CCDC91: variants seen among roughly 807,000 people sequenced by gnomAD.
CCDC91 encodes the protein coiled-coil domain-containing protein 91.
CCDC91 carries 48 observed loss-of-function variants against 63.2 expected under a neutral mutation model. That is an observed-to-expected ratio of 0.76 (90% CI 0.60 to 0.97). The LOEUF (loss-of-function observed/expected upper bound fraction) is 0.97, where lower values mean the gene tolerates loss of function less well. Ranked by LOEUF, CCDC91 falls within the 50% of genes least tolerant of loss-of-function variation. The pLI, the probability that CCDC91 is intolerant of heterozygous loss-of-function variation, is 0.00. For synonymous variants in CCDC91, 167 were observed against 165.8 expected, an observed-to-expected ratio of 1.01 and a Z score of -0.06; for missense variants, 500 against 494.6, an observed-to-expected ratio of 1.01 and a Z score of -0.10.
At chr12:28,405,595 A>G (rs1444118670) in intron 8 of CCDC91, among the ~76,000 whole-genome samples, 6 of 152,192 alleles carry the variant, frequency 3.9e-5, no homozygotes, top group Non-Finnish European at 8.8e-5. Flanking sequence ...ACACAAGATG[A>G]TACATAAATT....
intron 8 of CCDC91, among the ~76,000 whole-genome samples, chr12:28,435,303 G>GT (rs112683375): frequency 7.6e-4 from 114 of 149,520 alleles, no homozygotes; most frequent in African/African-American, 2.3e-3. Flanking sequence ...GATAAATTGC[G>GT]TTTTTTTTTT....
intron 3 of CCDC91, among the ~76,000 whole-genome samples, chr12:28,304,415 A>T (rs1938478103): frequency 7.7e-6 from 1 of 130,338 alleles, no homozygotes; most frequent in East Asian, 2.2e-4. Context: ...AAAAAAAAAA[A>T]GAAAAAAAGA....
chr12:28,283,339 T>G (rs1467129808), intron 3 of CCDC91, among the ~76,000 whole-genome samples: 2 of 152,108 alleles, frequency 1.3e-5, no homozygotes, highest in Non-Finnish European at 2.9e-5. Flanking sequence ...TTCCTATCCA[T>G]GAATATGGTA....
At chr12:28,289,141 C>T (rs11049506) in intron 3 of CCDC91, among the ~76,000 whole-genome samples, 39,668 of 151,100 alleles carry the variant, frequency 0.26, 5,656 homozygotes, top group East Asian at 0.57. Flanking sequence ...CTGTTGGATT[C>T]GTTGATCTTT....
chr12:28,192,228 G>T (rs1371653778), intron 1 of CCDC91, among the ~76,000 whole-genome samples: 1 of 152,178 alleles, frequency 6.6e-6, no homozygotes, highest in African/African-American at 2.4e-5. Context: ...CTTGTCTGGA[G>T]CTTAAATGGA....
At chr12:28,476,224 T>G (rs1951081676) in intron 11 of CCDC91, among the ~76,000 whole-genome samples, 2 of 152,114 alleles carry the variant, frequency 1.3e-5, no homozygotes, top group African/African-American at 2.4e-5. Context: ...TAGTTGGAAG[T>G]AAAGCACTCC....
At position 28,400,616 on chromosome 12, in the gene CCDC91, C is replaced by G. The variant is rs1196113580; in HGVS notation, c.762+9205C>G. Among the ~76,000 whole-genome samples the G allele has an allele frequency of 3.3e-5, 5 of 152,262 alleles. No individual in the cohort carries two copies. The East Asian group carries it at 7.7e-4, about 23-fold the overall frequency. Reference sequence around the variant, plus strand: ...TTTTATGCTCTACTTCCCTTTTAAACATAAGTTTCAATTCCAAACCATATC... The same window carrying G: ...TTTTATGCTCTACTTCCCTTTTAAAGATAAGTTTCAATTCCAAACCATATC... On this transcript the variant is annotated intron_variant, in intron 8 of 12. Transcript: ENST00000536442.
At chr12:28,192,776 A>G (rs1941372612) in intron 1 of CCDC91, among the ~76,000 whole-genome samples, 1 of 152,158 alleles carries the variant, frequency 6.6e-6, no homozygotes, top group Non-Finnish European at 1.5e-5. Flanking sequence ...ATCAAGTTTT[A>G]TTGAGGTATG....
intron 5 of CCDC91, 116 bp from the exon 6 acceptor site, chr12:28,307,529 C>T (rs1938870016): frequency 7.0e-6 from 4 of 570,890 alleles, no homozygotes; most frequent in African/African-American, 4.0e-5. Flanking sequence ...GATTTTAAGC[C>T]GTACTTCCCA....
At position 28,544,842 on chromosome 12, in the gene CCDC91, T is replaced by C. The variant is rs1366156276; in HGVS notation, c.1216-4221T>C. Among the ~76,000 whole-genome samples, 3 of 152,152 alleles carry C rather than the reference T, an allele frequency of 2.0e-5. No homozygotes were observed. In the East Asian group the frequency reaches 5.8e-4, roughly 29 times the overall value. On this transcript the variant is annotated intron_variant, in intron 12 of 12. Coordinates refer to ENST00000536442, the MANE Select transcript of CCDC91 (RefSeq NM_018318.5). ...GAGATGTTTTATTTTTCTTTTACTT[T>C]TGCAATGGCATGAAACACTCATGAA...
At chr12:28,248,730 G>A (rs1945925676) in intron 1 of CCDC91, among the ~76,000 whole-genome samples, 1 of 152,216 alleles carries the variant, frequency 6.6e-6, no homozygotes, top group Middle Eastern at 3.2e-3. Flanking sequence ...AAAAGGATAG[G>A]ACTGTGGTTG....
chr12:28,253,739 T>A (rs1231152974), intron 1 of CCDC91, among the ~76,000 whole-genome samples: 1 of 152,236 alleles, frequency 6.6e-6, no homozygotes, highest in African/African-American at 2.4e-5. Context: ...CAGGGATACC[T>A]TTCCGTAAAG....
intron 6 of CCDC91, among the ~76,000 whole-genome samples, chr12:28,312,166 AC>A (rs1939392283): frequency 6.6e-6 from 1 of 152,058 alleles, no homozygotes; most frequent in African/African-American, 2.4e-5. Context: ...AAGTTAAAAT[AC>A]ATTAATTTGA....
At chr12:28,444,798 A>G (rs1362135276) in intron 8 of CCDC91, among the ~76,000 whole-genome samples, 1 of 152,168 alleles carries the variant, frequency 6.6e-6, no homozygotes, top group Admixed American at 6.5e-5. Context: ...TCAACTATGT[A>G]ACAAACCTTC....
At chr12:28,517,091 C>G (rs1418797907) in intron 12 of CCDC91, among the ~76,000 whole-genome samples, 1 of 151,914 alleles carries the variant, frequency 6.6e-6, no homozygotes, top group Admixed American at 6.6e-5. Context: ...AAATTCATAT[C>G]TCTCCTTCTC....
At chr12:28,397,020 T>A (rs1409610312) in intron 8 of CCDC91, among the ~76,000 whole-genome samples, 1 of 152,012 alleles carries the variant, frequency 6.6e-6, no homozygotes, top group Non-Finnish European at 1.5e-5. Flanking sequence ...ATGGATGAGA[T>A]CAGAGAATAT....
chr12:28,316,515 TTTTA>T (rs1211784667), intron 6 of CCDC91, among the ~76,000 whole-genome samples: 5 of 149,906 alleles, frequency 3.3e-5, no homozygotes, highest in African/African-American at 7.3e-5. Flanking sequence ...TTTCTTTTTA[TTTTA>T]TTTATTTATT....
chr12:28,472,899 T>C (rs1011151112), intron 11 of CCDC91, among the ~76,000 whole-genome samples: 1 of 152,206 alleles, frequency 6.6e-6, no homozygotes, highest in African/African-American at 2.4e-5. Context: ...CTGGAACTTC[T>C]GGAACTGTAG....
chr12:28,213,314 C>G (rs1414337947), intron 1 of CCDC91, among the ~76,000 whole-genome samples: 1 of 152,244 alleles, frequency 6.6e-6, no homozygotes, highest in Admixed American at 6.5e-5. Flanking sequence ...TTAGTAGGCC[C>G]CTAAAGATGA....
Sources: gnomAD v4.1 joint callset for allele counts (sites outside exome capture counted in the v4.1 genomes callset) on GRCh38, gnomAD v4.1.1 for gene constraint, MANE v1.5 for transcripts, NCBI Gene and HGNC (gene_info 2026-07-23, HGNC 2026-07-21) for gene names.